SYN3: variants seen among roughly 807,000 people sequenced by gnomAD.
SYN3 encodes synapsin III, also known as synapsin-3.
Under a neutral mutation model 65.8 loss-of-function variants are expected in SYN3, and 35 were observed. The ratio of observed to expected loss-of-function variants is 0.53; its 90% CI spans 0.41 to 0.70. The LOEUF (loss-of-function observed/expected upper bound fraction) is 0.70. Ranked by LOEUF, SYN3 falls within the 30% of genes least tolerant of loss-of-function variation. The pLI is 0.00. For synonymous variants in SYN3, 270 were observed against 292.9 expected (o/e 0.92, Z 0.80); for missense variants, 680 against 749.0 (o/e 0.91, Z 1.08).
At chr22:32,739,296 T>C (rs929384897) in intron 6 of SYN3, among the ~76,000 whole-genome samples, 2 of 152,060 alleles carry the variant, frequency 1.3e-5, no homozygotes, top group Non-Finnish European at 2.9e-5. Flanking sequence ...TCTGCCACCA[T>C]GTAAGATGTG....
intron 6 of SYN3, among the ~76,000 whole-genome samples, chr22:32,813,140 T>A (rs1431078267): frequency 6.6e-6 from 1 of 152,188 alleles, no homozygotes; most frequent in Non-Finnish European, 1.5e-5. Context: ...ATCAGACATA[T>A]TGGAATATTA....
At chr22:32,526,494 G>GAT (rs957056139) in intron 12 of SYN3, among the ~76,000 whole-genome samples, 93 of 151,226 alleles carry the variant, frequency 6.1e-4, no homozygotes, top group South Asian at 2.5e-3. Flanking sequence ...CCTTCTTTCT[G>GAT]ATATATATAT....
At chr22:32,587,158 G>T (rs996819302) in intron 7 of SYN3, among the ~76,000 whole-genome samples, 4 of 149,090 alleles carry the variant, frequency 2.7e-5, no homozygotes, top group African/African-American at 9.9e-5. Flanking sequence ...GGAGGCAGAG[G>T]TTGCAGTGAG....
chr22:32,740,542 A>G (rs1246378920), intron 6 of SYN3, among the ~76,000 whole-genome samples: 4 of 152,248 alleles, frequency 2.6e-5, no homozygotes, highest in Admixed American at 6.5e-5. Context: ...AGGATGCACA[A>G]CATTTAAAAA....
intron 4 of SYN3, among the ~76,000 whole-genome samples, chr22:32,906,431 T>C (rs1266046527): frequency 1.3e-5 from 2 of 152,210 alleles, no homozygotes; most frequent in Admixed American, 1.3e-4. Context: ...AGATGCCCTA[T>C]TCATTCCTGC....
chr22:32,850,900 G>A (rs2048200576), intron 6 of SYN3, among the ~76,000 whole-genome samples: 1 of 152,150 alleles, frequency 6.6e-6, no homozygotes, highest in South Asian at 2.1e-4. Flanking sequence ...CATCCCCAAG[G>A]CCAACCTCCA....
chr22:32,788,341 A>G (rs1027126123), intron 6 of SYN3, among the ~76,000 whole-genome samples: 1 of 152,144 alleles, frequency 6.6e-6, no homozygotes, highest in African/African-American at 2.4e-5. Context: ...GGAGTTCGAG[A>G]CCAGACTGGC....
At chr22:32,945,698 A>C (rs1431987934) in intron 3 of SYN3, among the ~76,000 whole-genome samples, 1 of 152,208 alleles carries the variant, frequency 6.6e-6, no homozygotes, top group Admixed American at 6.5e-5. Context: ...AATGGGATCT[A>C]ATTAAACTAA....
intron 6 of SYN3, among the ~76,000 whole-genome samples, chr22:32,798,058 C>CT (rs938862493): frequency 2.6e-5 from 4 of 152,084 alleles, no homozygotes; most frequent in South Asian, 2.1e-4. Context: ...TTTTCATGTG[C>CT]TTTTTTTTAT....
chr22:32,883,156 C>T (rs1045178901), intron 4 of SYN3, among the ~76,000 whole-genome samples: 2 of 152,214 alleles, frequency 1.3e-5, no homozygotes, highest in African/African-American at 4.8e-5. Flanking sequence ...GAGTATTGAG[C>T]AGCTACATAA....
chr22:32,996,985 C>T (rs1448980985), intron 2 of SYN3, among the ~76,000 whole-genome samples: 3 of 152,164 alleles, frequency 2.0e-5, no homozygotes, highest in Non-Finnish European at 4.4e-5. Flanking sequence ...GGGTGTGTGC[C>T]GGGGTGTGAG....
At chr22:32,995,280 T>A (rs1458806535) in intron 2 of SYN3, among the ~76,000 whole-genome samples, 5 of 152,180 alleles carry the variant, frequency 3.3e-5, no homozygotes, top group Non-Finnish European at 2.9e-5. Flanking sequence ...CAGTGTCTCT[T>A]GTTGCTGCCC....
intron 6 of SYN3, among the ~76,000 whole-genome samples, chr22:32,819,249 C>T (rs1194803666): frequency 6.6e-6 from 1 of 152,236 alleles, no homozygotes; most frequent in Non-Finnish European, 1.5e-5. Flanking sequence ...AGCTGCCTCT[C>T]TGCTCACTGC....
chr22:32,555,475 C>G (rs1227110413), intron 7 of SYN3, among the ~76,000 whole-genome samples: 1 of 152,234 alleles, frequency 6.6e-6, no homozygotes, highest in Non-Finnish European at 1.5e-5. Flanking sequence ...CTCCAGCAAG[C>G]CTCCATAGAA....
At chr22:32,515,445 T>C (rs1321970203) in intron 13 of SYN3, among the ~76,000 whole-genome samples, 2 of 152,218 alleles carry the variant, frequency 1.3e-5, no homozygotes, top group African/African-American at 4.8e-5. Context: ...AGGCAACTTA[T>C]CTGAGGTTGT....
intron 7 of SYN3, among the ~76,000 whole-genome samples, chr22:32,575,642 G>A (rs915241838): frequency 4.6e-5 from 7 of 152,094 alleles, no homozygotes; most frequent in Admixed American, 1.3e-4. Flanking sequence ...TGCTCTCTGC[G>A]GTCTCATTAA....
At chr22:32,790,748 G>A (rs1270093283) in intron 6 of SYN3, among the ~76,000 whole-genome samples, 1 of 150,076 alleles carries the variant, frequency 6.7e-6, no homozygotes. Context: ...TAACGCCTAT[G>A]TTTAATGACC....
intron 3 of SYN3, among the ~76,000 whole-genome samples, chr22:32,963,907 T>A (rs963691849): frequency 3.3e-5 from 5 of 151,896 alleles, no homozygotes; most frequent in African/African-American, 1.2e-4. Context: ...AAGTTTGGGG[T>A]TTCTGGCACT....
At chr22:32,537,674 G>T (rs576583682) in intron 9 of SYN3, among the ~76,000 whole-genome samples, 11 of 152,282 alleles carry the variant, frequency 7.2e-5, no homozygotes, top group Non-Finnish European at 1.2e-4. Flanking sequence ...GCACAGGAGG[G>T]ACTGGCCAGG....
Sources: gnomAD v4.1 joint callset for allele counts (sites outside exome capture counted in the v4.1 genomes callset) on GRCh38, gnomAD v4.1.1 for gene constraint, MANE v1.5 for transcripts, NCBI Gene and HGNC (gene_info 2026-07-23, HGNC 2026-07-21) for gene names.